The following WWOX variants were observed in gnomAD, a reference collection of about 807,000 sequenced individuals.
The protein encoded by WWOX is WW domain-containing oxidoreductase.
A neutral mutation model predicts 46.2 loss-of-function variants in WWOX; 69 were observed. That is an observed-to-expected ratio of 1.49 (90% CI 1.23 to 1.82). The LOEUF is 1.82. Ranked by LOEUF, WWOX falls within the 40% of genes most tolerant of loss-of-function variation. WWOX has a pLI of 0.00. For missense variants in WWOX, 919 were observed against 542.6 expected (o/e 1.69, Z -6.89); for synonymous variants, 359 against 202.6 (o/e 1.77, Z -6.56).
intron 8 of WWOX, among the ~76,000 whole-genome samples, chr16:79,034,269 C>A (rs76333349): frequency 6.6e-6 from 1 of 152,174 alleles, no homozygotes; most frequent in Non-Finnish European, 1.5e-5. Context: ...CAGAAAAAGG[C>A]ACTCTCTATA....
At chr16:78,632,883 G>T (rs929245858) in intron 8 of WWOX, among the ~76,000 whole-genome samples, 2 of 151,814 alleles carry the variant, frequency 1.3e-5, no homozygotes, top group Non-Finnish European at 2.9e-5. Context: ...TTGCCTGATC[G>T]CCTCTCCACC....
intron 5 of WWOX, among the ~76,000 whole-genome samples, chr16:78,362,762 T>C (rs185696655): frequency 6.6e-6 from 1 of 152,348 alleles, no homozygotes; most frequent in East Asian, 1.9e-4. Flanking sequence ...AAGAACTTAC[T>C]ATGTGTCCAG....
intron 8 of WWOX, among the ~76,000 whole-genome samples, chr16:78,648,031 A>G (rs574671109): frequency 2.6e-5 from 4 of 152,214 alleles, no homozygotes; most frequent in African/African-American, 7.2e-5. Flanking sequence ...AACCCTCCCT[A>G]TCTGTACCCC....
chr16:78,113,266 G>C (rs888963782), intron 3 of WWOX, among the ~76,000 whole-genome samples: 1 of 152,178 alleles, frequency 6.6e-6, no homozygotes, highest in African/African-American at 2.4e-5. Flanking sequence ...TCATCCAGGG[G>C]ATCCTGATGT....
intron 8 of WWOX, chr16:79,204,398 T>C (rs925594571): frequency 2.0e-5 from 3 of 152,144 alleles, no homozygotes; most frequent in African/African-American, 7.2e-5. Flanking sequence ...CGTTTCTTTT[T>C]CCTTCCCTCG....
At chr16:78,208,124 C>G (rs1009680511) in intron 5 of WWOX, among the ~76,000 whole-genome samples, 5 of 152,186 alleles carry the variant, frequency 3.3e-5, no homozygotes, top group Non-Finnish European at 7.3e-5. Context: ...CAGCAGTGCT[C>G]TTCTGGCTAG....
At chr16:78,642,776 G>A (rs1187814098) in intron 8 of WWOX, among the ~76,000 whole-genome samples, 3 of 152,158 alleles carry the variant, frequency 2.0e-5, no homozygotes, top group Non-Finnish European at 4.4e-5. Context: ...CTCAGGGCGT[G>A]AGGCACACTC....
chr16:78,851,508 G>A (rs2052442339), intron 8 of WWOX, among the ~76,000 whole-genome samples: 1 of 152,178 alleles, frequency 6.6e-6, no homozygotes, highest in Admixed American at 6.5e-5. Flanking sequence ...AAGATAATGA[G>A]CCTGATACTT....
intron 8 of WWOX, among the ~76,000 whole-genome samples, chr16:78,555,244 T>C (rs1221893094): frequency 1.3e-5 from 2 of 151,176 alleles, no homozygotes. Flanking sequence ...TAAATTTAAA[T>C]GTATTCTCCT....
At chr16:79,132,808 G>T (rs1183022148) in intron 8 of WWOX, among the ~76,000 whole-genome samples, 1 of 152,182 alleles carries the variant, frequency 6.6e-6, no homozygotes, top group Non-Finnish European at 1.5e-5. Context: ...CTTTTCAAAA[G>T]AGAGTGTCCC....
chr16:78,820,489 C>G (rs899329576), intron 8 of WWOX, among the ~76,000 whole-genome samples: 1 of 152,030 alleles, frequency 6.6e-6, no homozygotes, highest in South Asian at 2.1e-4. Context: ...CTTGTAAGCC[C>G]CATTTCCATG....
intron 5 of WWOX, among the ~76,000 whole-genome samples, chr16:78,301,791 C>T (rs887683341): frequency 5.9e-5 from 9 of 152,182 alleles, no homozygotes; most frequent in Middle Eastern, 3.4e-3. Context: ...ACAGACACAC[C>T]GCCAGGCCTC....
chr16:78,171,131 G>A (rs529098265), intron 5 of WWOX, among the ~76,000 whole-genome samples: 249 of 152,258 alleles, frequency 1.6e-3, no homozygotes, highest in African/African-American at 5.8e-3. Context: ...AGGCTCATGG[G>A]CTCAACATTT....
At chr16:78,705,064 T>G (rs1175728123) in intron 8 of WWOX, among the ~76,000 whole-genome samples, 3 of 152,080 alleles carry the variant, frequency 2.0e-5, no homozygotes, top group Non-Finnish European at 4.4e-5. Context: ...ATGCTGAAAA[T>G]GAGCTGCCTG....
At chr16:78,715,156 G>A (rs996642256) in intron 8 of WWOX, among the ~76,000 whole-genome samples, 3 of 152,108 alleles carry the variant, frequency 2.0e-5, no homozygotes, top group African/African-American at 7.2e-5. Flanking sequence ...ATTAGGATTG[G>A]AAACACAGAG....
intron 8 of WWOX, among the ~76,000 whole-genome samples, chr16:78,491,361 C>T (rs2084779819): frequency 6.6e-6 from 1 of 152,182 alleles, no homozygotes; most frequent in Non-Finnish European, 1.5e-5. Context: ...TTAACCTTGG[C>T]CTGACAACCT....
intron 6 of WWOX, among the ~76,000 whole-genome samples, chr16:78,412,080 C>T (rs976746984): frequency 2.0e-5 from 3 of 152,168 alleles, no homozygotes; most frequent in African/African-American, 4.8e-5. Flanking sequence ...GGAGTTCATG[C>T]TCCAGAGGTA....
chr16:78,809,242 CA>C (rs1277695264), intron 8 of WWOX, among the ~76,000 whole-genome samples: 1 of 142,694 alleles, frequency 7.0e-6, no homozygotes, highest in African/African-American at 2.6e-5. Flanking sequence ...GTTGTCTGAG[CA>C]GAATGTTTTT....
In WWOX at chr16:78,424,870, G is replaced by C. The variant is rs1232120355; in HGVS notation, c.606G>C (p.Val202=). Residue 202 remains valine (V), a splice_region_variant and synonymous_variant, in exon 7 of 9, where the codon GTG becomes GTC. Coordinates refer to ENST00000566780, the MANE Select transcript of WWOX (RefSeq NM_016373.4). ...HFAEAFKAKN[V]PLHVLVCNAA... is the part of the protein sequence containing the mutation. ...TCACATGGGATATTTTATTTTTCAG[G>C]CCTCTTCATGTGCTTGTGTGCAACG... 4 of 1,613,912 alleles carry C rather than the reference G, an allele frequency of 2.5e-6. No individual in the cohort carries two copies. The highest frequency in any genetic ancestry group is 2.7e-5 in the African/African-American group (2 of 74,864).
Sources: allele counts gnomAD v4.1 joint callset (sites outside exome capture counted in the v4.1 genomes callset), GRCh38; gene constraint gnomAD v4.1.1; transcripts MANE v1.5; gene names NCBI Gene and HGNC (gene_info 2026-07-23, HGNC 2026-07-21).